RBFOX1: variants seen among roughly 807,000 people sequenced by gnomAD.
The protein encoded by RBFOX1 is RNA binding protein fox-1 homolog 1.
RBFOX1 carries 8 observed loss-of-function variants against 57.7 expected under a neutral mutation model. The observed-to-expected ratio is 0.14, with a 90% CI of 0.08 to 0.25. RBFOX1 has a LOEUF of 0.25. RBFOX1 is among the 10% of genes least tolerant of loss of function. RBFOX1 has a pLI of 1.00. For synonymous variants in RBFOX1, 326 were observed against 222.4 expected, an observed-to-expected ratio of 1.47 and a Z score of -4.15; for missense variants, 611 against 548.5, an observed-to-expected ratio of 1.11 and a Z score of -1.14.
chr16:5,471,981 T>A (rs1206569854), intron 2 of RBFOX1, among the ~76,000 whole-genome samples: 1 of 152,174 alleles, frequency 6.6e-6, no homozygotes, highest in South Asian at 2.1e-4. Context: ...CCCCGACAGA[T>A]GAAAGCAGGC....
intron 1 of RBFOX1, among the ~76,000 whole-genome samples, chr16:5,308,943 G>A (rs527457143): frequency 1.3e-5 from 2 of 152,254 alleles, no homozygotes; most frequent in East Asian, 3.9e-4. Flanking sequence ...CTGGGCTTGG[G>A]AGTTCTAGGT....
intron 3 of RBFOX1, among the ~76,000 whole-genome samples, chr16:6,950,266 C>CT (rs2080441345): frequency 6.6e-6 from 1 of 151,970 alleles, no homozygotes; most frequent in South Asian, 2.1e-4. Flanking sequence ...CCAGCACATT[C>CT]TTTGTCTTTG....
intron 1 of RBFOX1, among the ~76,000 whole-genome samples, chr16:6,181,698 C>T (rs529347528): frequency 6.6e-6 from 1 of 152,170 alleles, no homozygotes; most frequent in South Asian, 2.1e-4. Flanking sequence ...TTTCCTCAAA[C>T]TTTACCCACA....
At chr16:5,323,437 C>T (rs147776231) in intron 1 of RBFOX1, among the ~76,000 whole-genome samples, 2 of 152,354 alleles carry the variant, frequency 1.3e-5, no homozygotes, top group African/African-American at 4.8e-5. Context: ...CCCTGGCCTC[C>T]AGCCTTGCTC....
intron 2 of RBFOX1, among the ~76,000 whole-genome samples, chr16:6,397,004 A>G (rs2092865503): frequency 6.6e-6 from 1 of 152,238 alleles, no homozygotes; most frequent in Non-Finnish European, 1.5e-5. Flanking sequence ...AATGTATATC[A>G]TTCAATTTGA....
At chr16:6,791,864 A>C (rs1249774639) in intron 3 of RBFOX1, among the ~76,000 whole-genome samples, 1 of 152,170 alleles carries the variant, frequency 6.6e-6, no homozygotes, top group Non-Finnish European at 1.5e-5. Context: ...TTTATATATT[A>C]AGTAACTCTT....
intron 2 of RBFOX1, among the ~76,000 whole-genome samples, chr16:6,534,179 A>T (rs899078928): frequency 6.6e-6 from 1 of 152,196 alleles, no homozygotes; most frequent in African/African-American, 2.4e-5. Flanking sequence ...TGAATGCATA[A>T]GTAAGTTGTA....
At chr16:6,665,680 A>AT (rs1220727987) in intron 3 of RBFOX1, among the ~76,000 whole-genome samples, 2 of 151,270 alleles carry the variant, frequency 1.3e-5, no homozygotes, top group South Asian at 2.1e-4. Flanking sequence ...CTTGACTGAT[A>AT]TTTTTTTTCC....
chr16:5,738,258 G>C (rs1273112480), intron 3 of RBFOX1, among the ~76,000 whole-genome samples: 6 of 151,586 alleles, frequency 4.0e-5, no homozygotes, highest in South Asian at 2.1e-4. Context: ...AGGGTGTTTA[G>C]GGTATCCATC....
intron 1 of RBFOX1, among the ~76,000 whole-genome samples, chr16:6,277,169 G>T (rs1230083640): frequency 1.3e-5 from 2 of 152,076 alleles, no homozygotes; most frequent in Non-Finnish European, 2.9e-5. Flanking sequence ...TTATTAAAAA[G>T]TCAATTTTCA....
At chr16:7,518,485 T>A (rs1456857824) in intron 5 of RBFOX1, 96 bp downstream of exon 5, 5 of 1,483,046 alleles carry the variant, frequency 3.4e-6, no homozygotes, top group Non-Finnish European at 4.5e-6. Flanking sequence ...ACCCAGGGAC[T>A]CTGGGAAACA....
chr16:7,254,213 A>C (rs1171307547), intron 4 of RBFOX1, among the ~76,000 whole-genome samples: 1 of 152,206 alleles, frequency 6.6e-6, no homozygotes, highest in African/African-American at 2.4e-5. Context: ...TCATTGTTGG[A>C]GAAACAAGGA....
chr16:6,623,185 A>G (rs1245194539), intron 2 of RBFOX1, among the ~76,000 whole-genome samples: 1 of 152,172 alleles, frequency 6.6e-6, no homozygotes, highest in Non-Finnish European at 1.5e-5. Context: ...AGGCAATATC[A>G]AAACATGCAT....
chr16:7,710,073 A>T (rs2083722843), intron 15 of RBFOX1: 1 of 1,000,562 alleles, frequency 1.0e-6, no homozygotes, highest in Non-Finnish European at 1.2e-6. Flanking sequence ...TTCAGCCATG[A>T]TTTGGAAGCA....
intron 2 of RBFOX1, among the ~76,000 whole-genome samples, chr16:6,430,880 C>T (rs1412846860): frequency 1.3e-5 from 2 of 150,726 alleles, no homozygotes; most frequent in Non-Finnish European, 2.9e-5. Flanking sequence ...CCTGTCACCC[C>T]AGCACTTTGG....
chr16:7,271,154 G>A (rs554490967), intron 4 of RBFOX1, among the ~76,000 whole-genome samples: 19 of 152,234 alleles, frequency 1.2e-4, no homozygotes, highest in Admixed American at 7.9e-4. Flanking sequence ...TAAAATTCAC[G>A]TCCATATTCT....
chr16:7,618,172 T>C (rs189033223), intron 10 of RBFOX1, among the ~76,000 whole-genome samples: 1 of 152,096 alleles, frequency 6.6e-6, no homozygotes, highest in East Asian at 1.9e-4. Flanking sequence ...CATAATGAAA[T>C]CTGAATTTTG....
intron 4 of RBFOX1, among the ~76,000 whole-genome samples, chr16:7,243,504 C>T (rs1291492414): frequency 2.0e-5 from 3 of 152,154 alleles, no homozygotes; most frequent in East Asian, 1.9e-4. Flanking sequence ...TGTGGCTAAG[C>T]AGAAGGGCTC....
intron 4 of RBFOX1, among the ~76,000 whole-genome samples, chr16:7,266,304 G>C (rs2095139387): frequency 6.6e-6 from 1 of 151,910 alleles, no homozygotes; most frequent in Non-Finnish European, 1.5e-5. Flanking sequence ...TAAAGTGTGT[G>C]GCACCTTCCC....
Sources: allele counts gnomAD v4.1 joint callset (sites outside exome capture counted in the v4.1 genomes callset), GRCh38; gene constraint gnomAD v4.1.1; transcripts MANE v1.5; gene names NCBI Gene and HGNC (gene_info 2026-07-23, HGNC 2026-07-21).